MATN2: variants seen among roughly 807,000 people sequenced by gnomAD.
The protein encoded by MATN2 is matrilin-2.
In MATN2, 69 loss-of-function variants were observed where a neutral mutation model predicts 103.2. The ratio of observed to expected loss-of-function variants is 0.67; its 90% CI spans 0.55 to 0.82. The LOEUF (loss-of-function observed/expected upper bound fraction) is 0.82. Among genes scored for constraint, MATN2 ranks in the 40% least tolerant of loss-of-function variants. MATN2 has a pLI of 0.00. For synonymous variants in MATN2, 429 were observed against 450.2 expected, an observed-to-expected ratio of 0.95 and a Z score of 0.60; for missense variants, 1,023 against 1,211.5, an observed-to-expected ratio of 0.84 and a Z score of 2.31.
chr8:97,940,165 TG>T (rs1242982648), intron 3 of MATN2, among the ~76,000 whole-genome samples: 1 of 152,152 alleles, frequency 6.6e-6, no homozygotes, highest in East Asian at 1.9e-4. Flanking sequence ...AAGGGCTGGG[TG>T]TGGTGGCTCA....
chr8:98,025,445 AT>A (rs1180664503), intron 13 of MATN2: 1 of 186,362 alleles, frequency 5.4e-6, no homozygotes, highest in African/African-American at 2.4e-5. Context: ...CAGATTGTGG[AT>A]TGTTTGAAAT....
Position 98,007,608 on chromosome 8 carries a change from G to A in MATN2, c.1573+7G>A. ...GATGGGAAGACGTGTGCAAGTAAGT[G>A]TCTGAAGGACAAGCAGGACCTGCAC... On this transcript the variant is annotated splice_region_variant and intron_variant, in intron 10 of 18. Coordinates refer to ENST00000254898, the MANE Select transcript of MATN2 (RefSeq NM_002380.5). The surrounding 1 kb of genome is among the most constrained non-coding windows in gnomAD (Gnocchi z 4.2). 6.2e-7 allele frequency: 1 copy of A among 1,606,962 alleles called. No homozygotes were observed. Among genetic ancestry groups the A allele is most frequent in the Non-Finnish European group, 8.5e-7 (1 of 1,174,178 alleles).
chr8:97,993,182 C>T (rs1812457248), intron 6 of MATN2, among the ~76,000 whole-genome samples: 1 of 152,180 alleles, frequency 6.6e-6, no homozygotes, highest in Non-Finnish European at 1.5e-5. Context: ...TGGCATCTCA[C>T]TCAACATTTT....
chr8:97,974,491 G>A (rs751402624), intron 5 of MATN2, among the ~76,000 whole-genome samples: 6 of 151,964 alleles, frequency 3.9e-5, no homozygotes, highest in Non-Finnish European at 8.8e-5. Flanking sequence ...CTGTCGCCCA[G>A]GCTGGAATGC....
In MATN2 at chr8:97,945,889, C is replaced by T. The variant is rs114463802; in HGVS notation, c.835+3990C>T. ...AGAATTCTGTCCCCTCCCAGTGTCC[C>T]AGAGGGGTGATGGTTCTTACAGAAT... On this transcript the variant is annotated intron_variant, in intron 4 of 18. Transcript: ENST00000254898. 9.0e-3 allele frequency among the ~76,000 whole-genome samples: 1,363 copies of T among 152,024 alleles called. 16 individuals carry two copies. Among genetic ancestry groups the T allele is most frequent in the African/African-American group, 0.03 (1,229 of 41,466 alleles).
At chr8:97,939,325 C>T (rs1373420413) in intron 3 of MATN2, among the ~76,000 whole-genome samples, 1 of 152,148 alleles carries the variant, frequency 6.6e-6, no homozygotes, top group African/African-American at 2.4e-5. Context: ...CTAGACGGCG[C>T]ATCACCATTT....
chr8:98,014,263 G>T lies in MATN2; in HGVS notation c.1574-2277G>T, dbSNP rs180973427. Reference sequence around the variant, plus strand: ...AGCTATTTTATTACCATGGAAAATGGAGTAGTAGTAGTATTATAAATTCAC... The same window carrying T: ...AGCTATTTTATTACCATGGAAAATGTAGTAGTAGTAGTATTATAAATTCAC... On this transcript the variant is annotated intron_variant, in intron 10 of 18. Coordinates refer to ENST00000254898, the MANE Select transcript of MATN2 (RefSeq NM_002380.5). Among the ~76,000 whole-genome samples the T allele has an allele frequency of 3.0e-3, 453 of 152,124 alleles. 3 individuals carry two copies. Among genetic ancestry groups the T allele is most frequent in the African/African-American group, 9.6e-3 (397 of 41,524 alleles).
chr8:97,918,006 G>A (rs1809690432), intron 2 of MATN2, among the ~76,000 whole-genome samples: 1 of 152,142 alleles, frequency 6.6e-6, no homozygotes, highest in South Asian at 2.1e-4. Flanking sequence ...GATCACTTGA[G>A]CCTGGGAGGC....
chr8:98,026,178 CAAA>C (rs71271184), intron 13 of MATN2, among the ~76,000 whole-genome samples: 1 of 109,718 alleles, frequency 9.1e-6, no homozygotes, highest in Admixed American at 1.1e-4. Context: ...GACTCAATCT[CAAA>C]AAAAAAAAAA....
At chr8:97,897,663 C>T (rs778611695) in intron 2 of MATN2, among the ~76,000 whole-genome samples, 4 of 152,110 alleles carry the variant, frequency 2.6e-5, no homozygotes, top group Non-Finnish European at 5.9e-5. Flanking sequence ...TTTTTCAGTG[C>T]TCAGCTGCAG....
In MATN2 at chr8:97,947,947, A is replaced by G. The variant is rs150929278; in HGVS notation, c.835+6048A>G. ...TTCCAATCACAACATTCATCAATCA[A>G]TACATAAACTTGTTTGATGTTCTGT... On this transcript the variant is annotated intron_variant, in intron 4 of 18. Transcript: ENST00000254898. Among the ~76,000 whole-genome samples the G allele has an allele frequency of 6.5e-3, 989 of 152,348 alleles. 14 individuals are homozygous for G. The highest frequency in any genetic ancestry group is 0.022 in the African/African-American group (900 of 41,584).
At chr8:97,937,681 C>T (rs929973817) in intron 3 of MATN2, among the ~76,000 whole-genome samples, 6 of 150,512 alleles carry the variant, frequency 4.0e-5, no homozygotes, top group African/African-American at 9.8e-5. Flanking sequence ...CTCTGCCTCC[C>T]GGTTTCAAGC....
chr8:97,914,533 G>A (rs567011564), intron 2 of MATN2, among the ~76,000 whole-genome samples: 1 of 151,314 alleles, frequency 6.6e-6, no homozygotes, highest in Admixed American at 6.6e-5. Context: ...ATTACACCCG[G>A]CTACTTTTTT....
intron 2 of MATN2, among the ~76,000 whole-genome samples, chr8:97,925,640 C>T (rs1809964880): frequency 6.6e-6 from 1 of 152,128 alleles, no homozygotes; most frequent in Admixed American, 6.6e-5. Context: ...AGTCTCACAA[C>T]AGTATTGTAA....
At chr8:97,883,116 C>T (rs755699816) in intron 1 of MATN2, among the ~76,000 whole-genome samples, 4 of 151,652 alleles carry the variant, frequency 2.6e-5, no homozygotes, top group African/African-American at 7.3e-5. Flanking sequence ...CTGGCCTGGC[C>T]GACATAGTGA....
intron 5 of MATN2, among the ~76,000 whole-genome samples, chr8:97,974,093 T>A (rs1811754197): frequency 6.6e-6 from 1 of 152,186 alleles, no homozygotes; most frequent in Non-Finnish European, 1.5e-5. Context: ...TTTTTATTTT[T>A]AAAAACTCAG....
At chr8:97,872,520 A>C (rs1817929231) in intron 1 of MATN2, among the ~76,000 whole-genome samples, 1 of 152,204 alleles carries the variant, frequency 6.6e-6, no homozygotes, top group African/African-American at 2.4e-5. Flanking sequence ...CAGAACTCTT[A>C]AATGGGTTTT....
Position 97,978,108 on chromosome 8 carries a change from G to A in MATN2, c.959-778G>A, listed in dbSNP as rs143035971. ...TTATCCAAATATACGCTCCTTGGGGGCTGGAATTTTGGATTATTTTCTTAC... is the reference window on the plus strand; with the variant it reads ...TTATCCAAATATACGCTCCTTGGGGACTGGAATTTTGGATTATTTTCTTAC... On this transcript the variant is annotated intron_variant, in intron 5 of 18. Transcript: ENST00000254898. Among the ~76,000 whole-genome samples, 279 of 152,278 alleles carry A rather than the reference G, an allele frequency of 1.8e-3. 1 individual carries two copies. The highest frequency in any genetic ancestry group is 6.3e-3 in the African/African-American group (260 of 41,564).
In MATN2 at chr8:97,913,450, G is replaced by A. The variant is rs186911493; in HGVS notation, c.143-17503G>A. Among the ~76,000 whole-genome samples the A allele has an allele frequency of 2.6e-3, 399 of 151,930 alleles. 3 individuals are homozygous for A. Among genetic ancestry groups the A allele is most frequent in the South Asian group, 7.9e-3 (38 of 4,806 alleles). ...TTGCCTCAGCCTCCCAAGTAGCTGG[G>A]ATTACAGGTGCACACCACCACACCC... On this transcript the variant is annotated intron_variant, in intron 2 of 18. Transcript: ENST00000254898.
Sources: allele counts gnomAD v4.1 joint callset (sites outside exome capture counted in the v4.1 genomes callset), GRCh38; gene constraint gnomAD v4.1.1; non-coding constraint Gnocchi (gnomAD v3.1); transcripts MANE v1.5; gene names NCBI Gene and HGNC (gene_info 2026-07-23, HGNC 2026-07-21).